BEST3: variants seen among roughly 807,000 people sequenced by gnomAD.
BEST3 encodes the protein bestrophin-3.
Under a neutral mutation model 47.1 loss-of-function variants are expected in BEST3, and 50 were observed. The ratio of observed to expected loss-of-function variants is 1.06; its 90% CI spans 0.85 to 1.34. BEST3 has a LOEUF of 1.34. BEST3 is among the 40% of genes most tolerant of loss of function. The probability of loss-of-function intolerance (pLI) is 0.00; values close to 1 mark genes in which losing one functional copy is unlikely to be tolerated. For missense variants in BEST3, 765 were observed against 817.0 expected (o/e 0.94, Z 0.78); for synonymous variants, 282 against 298.8 (o/e 0.94, Z 0.58).
rs748154301 is a variant in BEST3, at chr12:69,678,738, C to T, written c.636+1G>A. 1.2e-6 allele frequency: 2 copies of T among 1,613,502 alleles called. No homozygotes were observed. Among genetic ancestry groups the T allele is most frequent in the Middle Eastern group, 1.6e-4 (1 of 6,062 alleles). ...TTTCTTATGATTTATGATATACTTA[C>T]AGTCATCAATGATTGCAGATCAACA... On this transcript the variant is annotated splice_donor_variant, in intron 5 of 9. Transcript: ENST00000330891. LOFTEE classifies it high-confidence loss of function.
intron 9 of BEST3, among the ~76,000 whole-genome samples, chr12:69,657,840 T>C (rs1217969060): frequency 6.6e-6 from 1 of 152,230 alleles, no homozygotes; most frequent in Non-Finnish European, 1.5e-5. Context: ...ATTACAACCT[T>C]GTGCTGTTTT....
At chr12:69,680,081 C>T (rs775486) in intron 4 of BEST3, among the ~76,000 whole-genome samples, 68,306 of 151,692 alleles carry the variant, frequency 0.45, 16,078 homozygotes, top group Admixed American at 0.58. Flanking sequence ...TTTAGCATAA[C>T]GCTTAGCACA....
intron 4 of BEST3, chr12:69,683,962 C>T (rs1468750723): frequency 6.6e-6 from 1 of 152,178 alleles, no homozygotes; most frequent in Non-Finnish European, 1.5e-5. Context: ...GACTTCAAGC[C>T]ATTTTAAGCA....
chr12:69,667,094 C>T (rs977598088), intron 9 of BEST3, among the ~76,000 whole-genome samples: 7 of 152,168 alleles, frequency 4.6e-5, no homozygotes, highest in African/African-American at 7.2e-5. Context: ...GAAACCCTTA[C>T]CTGGCCTATA....
chr12:69,668,569 T>C (rs1443429412), intron 9 of BEST3, among the ~76,000 whole-genome samples: 1 of 152,224 alleles, frequency 6.6e-6, no homozygotes, highest in Non-Finnish European at 1.5e-5. Context: ...CATTCATTGC[T>C]TAGGGAATTA....
chr12:69,684,637 C>G, intron 4 of BEST3: 1 of 632,894 alleles, frequency 1.6e-6, no homozygotes, highest in Non-Finnish European at 3.1e-6. Context: ...TATTCAGCAT[C>G]TGAGCCCTTC....
chr12:69,692,457 A>G (rs1885960541), intron 4 of BEST3, among the ~76,000 whole-genome samples: 1 of 152,220 alleles, frequency 6.6e-6, no homozygotes, highest in Non-Finnish European at 1.5e-5. Context: ...ATCTCCTTTG[A>G]GGCACAAGAG....
chr12:69,675,212 T>G (rs1474568891), intron 7 of BEST3, among the ~76,000 whole-genome samples: 1 of 152,160 alleles, frequency 6.6e-6, no homozygotes, highest in African/African-American at 2.4e-5. Flanking sequence ...CTCGGCCTCC[T>G]GGGCTCAAGT....
At chr12:69,644,899 A>T (rs1273319570) in intron 9 of BEST3, among the ~76,000 whole-genome samples, 2 of 152,216 alleles carry the variant, frequency 1.3e-5, no homozygotes, top group Admixed American at 1.3e-4. Context: ...TGATTGTAAT[A>T]CATGTAATTT....
At chr12:69,686,270 T>C (rs1485827682) in intron 4 of BEST3, among the ~76,000 whole-genome samples, 2 of 151,946 alleles carry the variant, frequency 1.3e-5, no homozygotes, top group East Asian at 3.9e-4. Flanking sequence ...TAATATGTTA[T>C]ATAAAAGTCA....
chr12:69,662,851 G>A (rs978544946), intron 9 of BEST3, among the ~76,000 whole-genome samples: 4 of 152,200 alleles, frequency 2.6e-5, no homozygotes, highest in African/African-American at 7.2e-5. Flanking sequence ...ATTACAGTCA[G>A]CAGTTTAAAG....
chr12:69,690,010 CT>C (rs1885852456), intron 4 of BEST3, among the ~76,000 whole-genome samples: 1 of 152,092 alleles, frequency 6.6e-6, no homozygotes, highest in African/African-American at 2.4e-5. Context: ...CTTTGGGGTA[CT>C]AAAAAAACCA....
intron 8 of BEST3, among the ~76,000 whole-genome samples, chr12:69,672,032 G>T (rs1474195454): frequency 6.6e-6 from 1 of 152,180 alleles, no homozygotes; most frequent in East Asian, 1.9e-4. Flanking sequence ...CTGGTTTCTT[G>T]TTCATTTCTT....
intron 4 of BEST3, 49 bp from the exon 5 acceptor site, chr12:69,678,942 T>A: frequency 7.0e-7 from 1 of 1,430,732 alleles, no homozygotes; most frequent in Non-Finnish European, 9.7e-7. Context: ...AGTTTGACAC[T>A]AATACGTTAC....
intron 9 of BEST3, among the ~76,000 whole-genome samples, chr12:69,662,326 C>T (rs1339946075): frequency 6.6e-6 from 1 of 152,100 alleles, no homozygotes; most frequent in African/African-American, 2.4e-5. Flanking sequence ...ATGTATCAGA[C>T]TACGTATTTT....
chr12:69,694,233 G>T, intron 3 of BEST3, 137 bp downstream of exon 3: 1 of 620,590 alleles, frequency 1.6e-6, no homozygotes, highest in Non-Finnish European at 2.8e-6. Flanking sequence ...CAAACCTTAT[G>T]GATGATTCTG....
At chr12:69,679,400 C>G (rs1407559502) in intron 4 of BEST3, among the ~76,000 whole-genome samples, 1 of 152,232 alleles carries the variant, frequency 6.6e-6, no homozygotes, top group Non-Finnish European at 1.5e-5. Flanking sequence ...GTCCTTCTTT[C>G]TCTTTCCTGA....
rs1319388839 is a variant in BEST3, at chr12:69,676,992, TA to T, written c.790del (p.Tyr264ThrfsTer27). On this transcript the variant is annotated frameshift_variant, in exon 7 of 10. Coordinates refer to ENST00000330891, the MANE Select transcript of BEST3 (RefSeq NM_032735.3). LOFTEE classifies it high-confidence loss of function. Reference sequence around the variant, plus strand: ...GTAAAGATCCAAGTCATGCCCTGCGTAGCCTTTGGTGGGATCCAAAAACTGG... The same window carrying T: ...GTAAAGATCCAAGTCATGCCCTGCGTGCCTTTGGTGGGATCCAAAAACTGG... ...GRQFLDPTKG[Y>X]AGHDLDLYIP... The T allele has an allele frequency of 1.2e-6, 2 of 1,614,122 alleles. No homozygotes were observed. The highest frequency in any genetic ancestry group is 3.3e-5 in the Admixed American group (2 of 60,010).
rs1417984056 is a variant in BEST3, at chr12:69,699,213, T to C, written c.-24A>G. ...TTACTCTGGGCACTAACCTATTTAT[T>C]TGGTTTGTAGTCTCCGACAGGAAAG... On this transcript the variant is annotated 5_prime_UTR_variant, in exon 1 of 10. Transcript: ENST00000330891. The C allele has an allele frequency of 1.0e-6, 1 of 985,262 alleles. No individual in the cohort carries two copies. Among genetic ancestry groups the C allele is most frequent in the Non-Finnish European group, 1.2e-6 (1 of 829,782 alleles). The allele number at this position is 985,262 out of a possible 1,614,324, so 61.0% of individuals were successfully genotyped here.
Sources: allele counts gnomAD v4.1 joint callset (sites outside exome capture counted in the v4.1 genomes callset), GRCh38; gene constraint gnomAD v4.1.1; transcripts MANE v1.5; gene names NCBI Gene and HGNC (gene_info 2026-07-23, HGNC 2026-07-21).